Variants in MACROH2A2 observed in about 807,000 individuals in gnomAD.
MACROH2A2 encodes the protein macroH2A.2 histone, also known as core histone macro-H2A.2.
Under a neutral mutation model 37.6 loss-of-function variants are expected in MACROH2A2, and 6 were observed. The observed-to-expected ratio is 0.16, with a 90% CI of 0.09 to 0.32. The LOEUF is 0.32. MACROH2A2 is among the 10% of genes least tolerant of loss of function. The pLI, the probability that MACROH2A2 is intolerant of heterozygous loss-of-function variation, is 1.00. For synonymous variants in MACROH2A2, 192 were observed against 202.7 expected, an observed-to-expected ratio of 0.95 and a Z score of 0.45; for missense variants, 290 against 485.9, an observed-to-expected ratio of 0.60 and a Z score of 3.79.
chr10:70,067,980 C>G (rs1387813180), intron 1 of MACROH2A2, among the ~76,000 whole-genome samples: 9 of 152,120 alleles, frequency 5.9e-5, no homozygotes, highest in Non-Finnish European at 1.0e-4. Flanking sequence ...GAGGTATAAG[C>G]ATGAGAGTTT....
rs2072135717 is a variant in MACROH2A2, at chr10:70,075,759, A to G, written c.101A>G (p.Lys34Arg). 6.2e-7 allele frequency: 1 copy of G among 1,614,068 alleles called. No individual in the cohort carries two copies. The part of the protein sequence containing the change: ...PVGRLMRYLK[K>R]GTFKYRISVG... ...GGGAGGCTGATGCGTTATCTGAAGA[A>G]AGGGACGTTCAAGTACCGGATCAGC... The change falls in exon 2 of 9, where the codon AAA becomes AGA. Residue 34 changes from lysine (K) to arginine (R), a missense_variant. Coordinates refer to ENST00000373255, the MANE Select transcript of MACROH2A2 (RefSeq NM_018649.3). The surrounding 1 kb of genome is among the most constrained non-coding windows in gnomAD (Gnocchi z 5.0).
At chr10:70,081,323 G>T (rs542062691) in intron 2 of MACROH2A2, among the ~76,000 whole-genome samples, 1 of 152,210 alleles carries the variant, frequency 6.6e-6, no homozygotes, top group East Asian at 1.9e-4. Flanking sequence ...GACCCCCTAG[G>T]TGTGTCGGGA....
At position 70,061,998 on chromosome 10, in the gene MACROH2A2, G is replaced by A. The variant is rs557747963; in HGVS notation, c.-60+8998G>A. Among the ~76,000 whole-genome samples, 13 of 152,300 alleles carry A rather than the reference G, an allele frequency of 8.5e-5. No homozygotes were observed. The South Asian group carries it at 2.7e-3, about 32-fold the overall frequency. ...GCCCTTGGAGTTCATAAATGGAAGT[G>A]TAATAGAGCCAGTGATTTAGCTCTT... On this transcript the variant is annotated intron_variant, in intron 1 of 8. Coordinates refer to ENST00000373255, the MANE Select transcript of MACROH2A2 (RefSeq NM_018649.3).
intron 2 of MACROH2A2, among the ~76,000 whole-genome samples, chr10:70,087,534 C>T (rs2072218844): frequency 6.6e-6 from 1 of 152,114 alleles, no homozygotes; most frequent in Admixed American, 6.6e-5. Context: ...TGCCTGGCCA[C>T]TCCATTTCCT....
chr10:70,054,635 C>A (rs2072003279), intron 1 of MACROH2A2, among the ~76,000 whole-genome samples: 1 of 152,190 alleles, frequency 6.6e-6, no homozygotes, highest in Admixed American at 6.5e-5. Flanking sequence ...TTTTGAACCA[C>A]AAACTAAGCT....
intron 2 of MACROH2A2, among the ~76,000 whole-genome samples, chr10:70,086,474 T>C (rs2072212375): frequency 6.6e-6 from 1 of 152,198 alleles, no homozygotes; most frequent in Non-Finnish European, 1.5e-5. Context: ...CGTCCTATGC[T>C]ACGTTTGATT....
Position 70,068,961 on chromosome 10 carries a change from A to C in MACROH2A2, c.-59-6639A>C, listed in dbSNP as rs181595067. On this transcript the variant is annotated intron_variant, in intron 1 of 8. Transcript: ENST00000373255. ...GTTCAATAATAAATGCTCCATAAATACTGTCTTAGATTGAATCTATGATGG... is the reference window on the plus strand; with the variant it reads ...GTTCAATAATAAATGCTCCATAAATCCTGTCTTAGATTGAATCTATGATGG... Among the ~76,000 whole-genome samples the C allele has an allele frequency of 2.9e-3, 437 of 152,342 alleles. 2 individuals carry two copies. Among genetic ancestry groups the C allele is most frequent in the African/African-American group, 0.01 (420 of 41,562 alleles).
chr10:70,069,344 C>T (rs4385785), intron 1 of MACROH2A2, among the ~76,000 whole-genome samples: 13,221 of 152,248 alleles, frequency 0.087, 712 homozygotes, highest in Admixed American at 0.16. Flanking sequence ...CTCTCTGAGT[C>T]TGGAGTTTTA....
intron 2 of MACROH2A2, among the ~76,000 whole-genome samples, chr10:70,078,220 G>A (rs1286427411): frequency 1.3e-5 from 2 of 152,168 alleles, no homozygotes; most frequent in East Asian, 1.9e-4. Context: ...GCATCTCCAC[G>A]TCAGCACACA....
chr10:70,104,617 G>C (rs929169392), intron 7 of MACROH2A2, among the ~76,000 whole-genome samples: 1 of 152,188 alleles, frequency 6.6e-6, no homozygotes, highest in Non-Finnish European at 1.5e-5. Flanking sequence ...AGAGGTTGCA[G>C]TGAGCCGAGA....
intron 1 of MACROH2A2, among the ~76,000 whole-genome samples, chr10:70,073,230 C>G (rs1449303120): frequency 6.6e-6 from 1 of 152,238 alleles, no homozygotes; most frequent in Non-Finnish European, 1.5e-5. Context: ...TGTTTCCCCT[C>G]TTTCCTGCGA....
At chr10:70,111,404 C>T (rs1279163909) in intron 8 of MACROH2A2, 114 bp from the exon 9 acceptor site, 1 of 881,564 alleles carries the variant, frequency 1.1e-6, no homozygotes, top group Non-Finnish European at 1.7e-6. Context: ...GGAGATCATG[C>T]ATGGACTAGC....
intron 7 of MACROH2A2, among the ~76,000 whole-genome samples, chr10:70,102,500 C>T (rs192640064): frequency 2.0e-5 from 3 of 152,206 alleles, no homozygotes; most frequent in Admixed American, 1.3e-4. Context: ...AGGCGGATCA[C>T]GAGGACAGGA....
chr10:70,100,764 A>T (rs988828773), intron 7 of MACROH2A2, among the ~76,000 whole-genome samples: 2 of 151,974 alleles, frequency 1.3e-5, no homozygotes, highest in African/African-American at 2.4e-5. Flanking sequence ...TTACAGGCGC[A>T]TGCCACCATG....
intron 2 of MACROH2A2, among the ~76,000 whole-genome samples, chr10:70,081,193 T>C (rs975751625): frequency 7.9e-5 from 12 of 152,066 alleles, no homozygotes; most frequent in African/African-American, 2.9e-4. Flanking sequence ...TCAGGATCAT[T>C]GCTTTACCAT....
chr10:70,073,637 C>A (rs534202923), intron 1 of MACROH2A2, among the ~76,000 whole-genome samples: 12 of 152,102 alleles, frequency 7.9e-5, no homozygotes, highest in Non-Finnish European at 1.5e-4. Flanking sequence ...TCATTCACCT[C>A]GGGGACAGGT....
At chr10:70,078,468 C>G (rs937562540) in intron 2 of MACROH2A2, among the ~76,000 whole-genome samples, 3 of 152,242 alleles carry the variant, frequency 2.0e-5, no homozygotes, top group Admixed American at 6.5e-5. Flanking sequence ...TTTCTCTCCC[C>G]CAAAGGCAGG....
At chr10:70,079,565 G>GCGCGCGCACGCGCACA (rs1386558755) in intron 2 of MACROH2A2, among the ~76,000 whole-genome samples, 1 of 126,216 alleles carries the variant, frequency 7.9e-6, no homozygotes, top group Non-Finnish European at 1.6e-5. Context: ...GCGCGCGCGC[G>GCGCGCGCACGCGCACA]CACACACACA....
At chr10:70,089,304 C>T (rs2072229936) in intron 2 of MACROH2A2, among the ~76,000 whole-genome samples, 1 of 152,204 alleles carries the variant, frequency 6.6e-6, no homozygotes, top group African/African-American at 2.4e-5. Context: ...ATTTCACTCT[C>T]ATACAAAAGA....
Sources: gnomAD v4.1 joint callset for allele counts (sites outside exome capture counted in the v4.1 genomes callset) on GRCh38, gnomAD v4.1.1 for gene constraint, Gnocchi (gnomAD v3.1) non-coding constraint, MANE v1.5 for transcripts, NCBI Gene and HGNC (gene_info 2026-07-23, HGNC 2026-07-21) for gene names.